SCAMP4: variants seen among roughly 807,000 people sequenced by gnomAD.
SCAMP4 encodes secretory carrier membrane protein 4.
Under a neutral mutation model 32.1 loss-of-function variants are expected in SCAMP4, and 19 were observed. That is an observed-to-expected ratio of 0.59 (90% CI 0.41 to 0.87). The LOEUF is 0.87. SCAMP4 is among the 40% of genes least tolerant of loss of function. The probability of loss-of-function intolerance (pLI) is 0.00; values close to 1 mark genes in which losing one functional copy is unlikely to be tolerated. For synonymous variants in SCAMP4, 152 were observed against 132.7 expected, an observed-to-expected ratio of 1.15 and a Z score of -1.00; for missense variants, 302 against 309.0, an observed-to-expected ratio of 0.98 and a Z score of 0.17.
At chr19:1,907,816 G>A (rs2013214432) in intron 1 of SCAMP4, among the ~76,000 whole-genome samples, 1 of 152,180 alleles carries the variant, frequency 6.6e-6, no homozygotes, top group Non-Finnish European at 1.5e-5. Context: ...GCCCCCTGCT[G>A]TTGGGGGGCA....
intron 1 of SCAMP4, among the ~76,000 whole-genome samples, chr19:1,910,317 TC>T (rs2013375052): frequency 6.6e-6 from 1 of 152,218 alleles, no homozygotes; most frequent in African/African-American, 2.4e-5. Context: ...CCTGCTCAGT[TC>T]CTGGCCACAT....
At chr19:1,913,006 T>G (rs758762584) in intron 1 of SCAMP4, 11 of 1,607,674 alleles carry the variant, frequency 6.8e-6, no homozygotes, top group Non-Finnish European at 7.6e-6. Context: ...GCACGCATCC[T>G]GCGCGTCTTC....
Position 1,905,455 on chromosome 19 carries a change from C to G in SCAMP4, c.-42+16C>G. 1 of 458,388 alleles carries G rather than the reference C, an allele frequency of 2.2e-6. No homozygotes were observed. Among genetic ancestry groups the G allele is most frequent in the Non-Finnish European group, 4.5e-6 (1 of 221,012 alleles). The allele number at this position is 458,388 out of a possible 1,614,324, so 28.4% of individuals were successfully genotyped here. A position where few individuals can be genotyped will look rare whatever the true frequency, so the allele number is the denominator to read the frequency against. On this transcript the variant is annotated intron_variant, in intron 1 of 6. Coordinates refer to ENST00000316097, the MANE Select transcript of SCAMP4 (RefSeq NM_079834.4). ...GATCCCTCAGGTAAGCGCGCGGCCC[C>G]GAGGTCTCGGGTTCTCCAGGCTCAG...
Position 1,924,367 on chromosome 19 carries a change from C to G in SCAMP4, c.*83C>G. On this transcript the variant is annotated 3_prime_UTR_variant, in exon 7 of 7. Coordinates refer to ENST00000316097, the MANE Select transcript of SCAMP4 (RefSeq NM_079834.4). Reference sequence around the variant, plus strand: ...CCCCTGGTCCCGAGGGCTGGGAGTACCTGGGGCCCCATCCCCCCAGCTGGG... The same window carrying G: ...CCCCTGGTCCCGAGGGCTGGGAGTAGCTGGGGCCCCATCCCCCCAGCTGGG... 2.2e-6 allele frequency: 3 copies of G among 1,383,160 alleles called. No homozygotes were observed. Among genetic ancestry groups the G allele is most frequent in the Non-Finnish European group, 2.0e-6 (2 of 1,020,936 alleles). 85.7% of individuals were successfully genotyped at this position (1,383,160 alleles called of 1,614,324 possible). A position where few individuals can be genotyped will look rare whatever the true frequency, so the allele number is the denominator to read the frequency against.
At position 1,924,475 on chromosome 19, in the gene SCAMP4, G is replaced by A. The variant is rs2014036632; in HGVS notation, c.*191G>A. The A allele has an allele frequency of 5.0e-6, 3 of 601,726 alleles. No individual in the cohort carries two copies. Among genetic ancestry groups the A allele is most frequent in the Admixed American group, 2.9e-5 (1 of 34,318 alleles). The allele number at this position is 601,726 out of a possible 1,614,324, so 37.3% of individuals were successfully genotyped here. A position where few individuals can be genotyped will look rare whatever the true frequency, so the allele number is the denominator to read the frequency against. ...CGTGTTCATCTCATCCGAGAGCGGAGTTCCTCACAAGCACTCCCCAGCAGC... is the reference window on the plus strand; with the variant it reads ...CGTGTTCATCTCATCCGAGAGCGGAATTCCTCACAAGCACTCCCCAGCAGC... On this transcript the variant is annotated 3_prime_UTR_variant, in exon 7 of 7. Transcript: ENST00000316097.
chr19:1,923,511 G>A (rs2013985179), intron 6 of SCAMP4, among the ~76,000 whole-genome samples: 1 of 152,146 alleles, frequency 6.6e-6, no homozygotes, highest in Admixed American at 6.5e-5. Context: ...TGTCCTGTCA[G>A]TGAGGGTGGG....
chr19:1,913,033 C>T, intron 1 of SCAMP4: 1 of 1,604,226 alleles, frequency 6.2e-7, no homozygotes, highest in South Asian at 1.1e-5. Flanking sequence ...GCGCCCTCGC[C>T]CGACGGCGCC....
At chr19:1,913,881 A>C (rs1411075087) in intron 1 of SCAMP4, among the ~76,000 whole-genome samples, 4 of 152,142 alleles carry the variant, frequency 2.6e-5, no homozygotes, top group Non-Finnish European at 5.9e-5. Flanking sequence ...GCCTCCAGAC[A>C]CGCCTGCTGT....
chr19:1,913,404 G>A (rs1460033083), intron 1 of SCAMP4: 4 of 595,256 alleles, frequency 6.7e-6, no homozygotes, highest in Admixed American at 3.3e-5. Context: ...TGTCTCGCGG[G>A]CCGGGAAACT....
chr19:1,922,641 A>G (rs2013956192), intron 5 of SCAMP4: 4 of 986,568 alleles, frequency 4.1e-6, no homozygotes, highest in Non-Finnish European at 4.8e-6. Flanking sequence ...AGTTCCCATC[A>G]TTAGACACAG....
rs1311498158 is a variant in SCAMP4, at chr19:1,923,042, C to T, written c.396-28C>T. The T allele has an allele frequency of 2.1e-5, 32 of 1,516,164 alleles. No homozygotes were observed. The East Asian group carries it at 6.9e-4, about 33-fold the overall frequency. The allele number at this position is 1,516,164 out of a possible 1,614,324, so 93.9% of individuals were successfully genotyped here. ...GGCCCTCATCCAGCAGGTGTGCAGGCACCCACGCACTCTCTTGTCCCTTGC... is the reference window on the plus strand; with the variant it reads ...GGCCCTCATCCAGCAGGTGTGCAGGTACCCACGCACTCTCTTGTCCCTTGC... On this transcript the variant is annotated intron_variant, in intron 5 of 6. Coordinates refer to ENST00000316097, the MANE Select transcript of SCAMP4 (RefSeq NM_079834.4).
chr19:1,924,974 G>GT lies in SCAMP4; in HGVS notation c.*692dup, dbSNP rs1257922732. 6.6e-6 allele frequency: 1 copy of GT among 152,422 alleles called. No homozygotes were observed. The highest frequency in any genetic ancestry group is 2.4e-5 in the African/African-American group (1 of 41,436). 9.4% of individuals were successfully genotyped at this position (152,422 alleles called of 1,614,324 possible). Reference sequence around the variant, plus strand: ...GCAGGCTGTCTTTCCACGCCCCTGAGTTCAGAGTCGGGGACCCAGGCCAGG... The same window carrying GT: ...GCAGGCTGTCTTTCCACGCCCCTGAGTTTCAGAGTCGGGGACCCAGGCCAGG... On this transcript the variant is annotated 3_prime_UTR_variant, in exon 7 of 7. Transcript: ENST00000316097.
chr19:1,922,479 C>A, intron 5 of SCAMP4: 2 of 926,748 alleles, frequency 2.2e-6, no homozygotes, highest in Non-Finnish European at 2.6e-6. Flanking sequence ...AAGTGATCCG[C>A]CCGCCTCGGC....
intron 1 of SCAMP4, chr19:1,912,359 C>T (rs1264182146): frequency 2.0e-6 from 3 of 1,529,100 alleles, no homozygotes; most frequent in Non-Finnish European, 2.6e-6. Context: ...GCAGCCCCCA[C>T]GCCCTGGAGA....
intron 1 of SCAMP4, chr19:1,912,613 T>G (rs879302894): frequency 6.8e-7 from 1 of 1,477,022 alleles, no homozygotes; most frequent in African/African-American, 1.5e-5. Flanking sequence ...CGCGCCGCCA[T>G]GCAGAGCCAC....
At chr19:1,918,346 G>C in intron 4 of SCAMP4, 63 bp downstream of exon 4, 1 of 1,466,568 alleles carries the variant, frequency 6.8e-7, no homozygotes, top group Non-Finnish European at 9.1e-7. Context: ...CTGCACCCCA[G>C]TCCCAGCCCA....
In SCAMP4 at chr19:1,908,054, G is replaced by T. The variant is rs920423671; in HGVS notation, c.-42+2615G>T. ...ATCAGACAGAGGTTGTACTCTTGGA[G>T]GGACAAGCGAGGCTGTGTTTGTCTT... On this transcript the variant is annotated intron_variant, in intron 1 of 6. Coordinates refer to ENST00000316097, the MANE Select transcript of SCAMP4 (RefSeq NM_079834.4). This position sits in a 1 kb window ranked among gnomAD's most constrained non-coding sequence, Gnocchi z 4.2. The T allele has an allele frequency of 2.3e-5, 4 of 171,188 alleles. No homozygotes were observed. The highest frequency in any genetic ancestry group is 6.0e-5 in the Admixed American group (1 of 16,606). 10.6% of individuals were successfully genotyped at this position (171,188 alleles called of 1,614,324 possible).
At position 1,908,764 on chromosome 19, in the gene SCAMP4, G is replaced by C. The variant is rs1216098668; in HGVS notation, c.-42+3325G>C. 8.3e-6 allele frequency: 3 copies of C among 359,400 alleles called. No individual in the cohort carries two copies. The highest frequency in any genetic ancestry group is 1.6e-5 in the Non-Finnish European group (3 of 183,650). 22.3% of individuals were successfully genotyped at this position (359,400 alleles called of 1,614,324 possible). A position where few individuals can be genotyped will look rare whatever the true frequency, so the allele number is the denominator to read the frequency against. ...TCCTCTCGCCTTGGTCTCCTGAGTA[G>C]CTGGGACTACATGTGCACACCACCG... On this transcript the variant is annotated intron_variant, in intron 1 of 6. Transcript: ENST00000316097. The surrounding 1 kb of genome is among the most constrained non-coding windows in gnomAD (Gnocchi z 4.2).
intron 2 of SCAMP4, among the ~76,000 whole-genome samples, chr19:1,915,720 G>A (rs2013709613): frequency 6.6e-6 from 1 of 152,182 alleles, no homozygotes; most frequent in African/African-American, 2.4e-5. Context: ...GCCGAGGCGG[G>A]TGGATCACGA....
Sources: gnomAD v4.1 joint callset for allele counts (sites outside exome capture counted in the v4.1 genomes callset) on GRCh38, gnomAD v4.1.1 for gene constraint, Gnocchi (gnomAD v3.1) non-coding constraint, MANE v1.5 for transcripts, NCBI Gene and HGNC (gene_info 2026-07-23, HGNC 2026-07-21) for gene names.